MICU1: variants seen among roughly 807,000 people sequenced by gnomAD.
MICU1 encodes mitochondrial calcium uptake 1.
A neutral mutation model predicts 56.8 loss-of-function variants in MICU1; 45 were observed. The observed-to-expected ratio is 0.79, with a 90% confidence interval of 0.62 to 1.02. The LOEUF (loss-of-function observed/expected upper bound fraction) is 1.02. Ranked by LOEUF, MICU1 falls within the 50% of genes least tolerant of loss-of-function variation. The pLI is 0.00. For synonymous variants in MICU1, 186 were observed against 195.1 expected (o/e 0.95, Z 0.39); for missense variants, 504 against 587.1 (o/e 0.86, Z 1.46).
intron 6 of MICU1, among the ~76,000 whole-genome samples, chr10:72,489,636 A>G (rs544354705): frequency 6.6e-6 from 1 of 152,300 alleles, no homozygotes; most frequent in African/African-American, 2.4e-5. Context: ...TATAAAACTC[A>G]TTTTTATATT....
chr10:72,468,833 T>A (rs965361791), intron 8 of MICU1, among the ~76,000 whole-genome samples: 1 of 152,216 alleles, frequency 6.6e-6, no homozygotes, highest in Non-Finnish European at 1.5e-5. Flanking sequence ...TCCAGAAATT[T>A]GGTCTTTTTC....
At chr10:72,595,773 CT>C (rs1208046232) in intron 1 of MICU1, among the ~76,000 whole-genome samples, 1 of 152,090 alleles carries the variant, frequency 6.6e-6, no homozygotes, top group Non-Finnish European at 1.5e-5. Context: ...AAAGATTTAT[CT>C]TCTCACACGC....
chr10:72,608,204 G>A (rs12772550), intron 1 of MICU1, among the ~76,000 whole-genome samples: 4 of 152,100 alleles, frequency 2.6e-5, no homozygotes, highest in East Asian at 1.9e-4. Flanking sequence ...GAGTAGCTGC[G>A]ATTACAGGCA....
At chr10:72,510,399 A>C (rs967665286) in intron 5 of MICU1, among the ~76,000 whole-genome samples, 1 of 152,206 alleles carries the variant, frequency 6.6e-6, no homozygotes, top group Non-Finnish European at 1.5e-5. Context: ...CTTTGAAAGT[A>C]AATTGGAGAC....
At chr10:72,452,616 T>G (rs1383884285) in intron 8 of MICU1, among the ~76,000 whole-genome samples, 1 of 152,192 alleles carries the variant, frequency 6.6e-6, no homozygotes, top group African/African-American at 2.4e-5. Context: ...CTCTATGGTA[T>G]TCAGTACAGT....
chr10:72,421,016 AAATAAT>A (rs1554865352), intron 9 of MICU1, among the ~76,000 whole-genome samples: 63 of 124,110 alleles, frequency 5.1e-4, no homozygotes, highest in Middle Eastern at 7.9e-3. Context: ...AAAAAAAAAA[AAATAAT>A]AATAATAATA....
intron 10 of MICU1, among the ~76,000 whole-genome samples, chr10:72,406,857 C>G (rs111703395): frequency 6.6e-6 from 1 of 152,194 alleles, no homozygotes; most frequent in East Asian, 1.9e-4. Context: ...AAACTCCTGA[C>G]CTCAGGTGAT....
intron 8 of MICU1, among the ~76,000 whole-genome samples, chr10:72,463,341 G>A (rs926535248): frequency 9.2e-5 from 14 of 152,162 alleles, no homozygotes; most frequent in African/African-American, 3.1e-4. Flanking sequence ...GGGATTACAG[G>A]CATGAGCCAT....
At chr10:72,376,721 G>A (rs114720300) in intron 10 of MICU1, among the ~76,000 whole-genome samples, 2 of 152,058 alleles carry the variant, frequency 1.3e-5, no homozygotes, top group African/African-American at 4.8e-5. Flanking sequence ...GGAATGGGGA[G>A]TTACTGCTTT....
intron 7 of MICU1, chr10:72,475,973 TC>T (rs1866106785): frequency 4.5e-6 from 2 of 443,130 alleles, no homozygotes; most frequent in Non-Finnish European, 4.5e-6. Context: ...ATGCCTATAA[TC>T]CCAGCACTTT....
At chr10:72,549,065 T>A (rs1839965334) in intron 4 of MICU1, among the ~76,000 whole-genome samples, 1 of 152,190 alleles carries the variant, frequency 6.6e-6, no homozygotes, top group South Asian at 2.1e-4. Context: ...ATAGTTTTTA[T>A]TTGACCTAGA....
At chr10:72,420,353 G>A (rs1399320897) in intron 9 of MICU1, among the ~76,000 whole-genome samples, 1 of 152,152 alleles carries the variant, frequency 6.6e-6, no homozygotes, top group Non-Finnish European at 1.5e-5. Context: ...GAGCCACTGC[G>A]CCCAGCCATA....
intron 1 of MICU1, among the ~76,000 whole-genome samples, chr10:72,623,613 T>TGGATCACCTGAGGTC (rs1368434040): frequency 6.6e-6 from 1 of 151,840 alleles, no homozygotes; most frequent in African/African-American, 2.4e-5. Flanking sequence ...CCGAGGCAGG[T>TGGATCACCTGAGGTC]GGATCACCTG....
intron 9 of MICU1, among the ~76,000 whole-genome samples, chr10:72,412,089 T>C (rs1229306011): frequency 6.6e-6 from 1 of 152,228 alleles, no homozygotes; most frequent in Non-Finnish European, 1.5e-5. Context: ...ACTATTTAGA[T>C]AGGCCTCCTT....
chr10:72,510,935 T>C (rs998018623), intron 5 of MICU1, among the ~76,000 whole-genome samples: 4 of 152,216 alleles, frequency 2.6e-5, no homozygotes, highest in African/African-American at 7.2e-5. Context: ...ACCAGCCAAA[T>C]CCAGTCCATT....
intron 8 of MICU1, among the ~76,000 whole-genome samples, chr10:72,437,129 G>A (rs529882593): frequency 9.9e-5 from 15 of 152,248 alleles, no homozygotes; most frequent in African/African-American, 2.6e-4. Context: ...AGGAAAAAGC[G>A]TTAAGGGCAG....
rs551988936 is a variant in MICU1, at chr10:72,592,102, C to A, written c.-1-25308G>T. Among the ~76,000 whole-genome samples the A allele has an allele frequency of 4.7e-5, 7 of 149,938 alleles. No individual in the cohort carries two copies. In the South Asian group the frequency reaches 1.5e-3, roughly 31 times the overall value. ...CTGGCTCACTGCAACCTCCACCTCC[C>A]AGGTTCAAGCGATTCTCCTGCCTCA... On this transcript the variant is annotated intron_variant, in intron 1 of 11. Transcript: ENST00000361114.
At chr10:72,480,519 GAGA>G (rs748488173) in intron 6 of MICU1, among the ~76,000 whole-genome samples, 9 of 152,310 alleles carry the variant, frequency 5.9e-5, no homozygotes, top group Non-Finnish European at 1.2e-4. Flanking sequence ...GAGGAGTGAG[GAGA>G]AGGTCAAGAA....
At chr10:72,372,105 A>T (rs1862365027) in intron 11 of MICU1, among the ~76,000 whole-genome samples, 1 of 151,968 alleles carries the variant, frequency 6.6e-6, no homozygotes, top group Admixed American at 6.6e-5. Context: ...GTGGTGGCTC[A>T]TGCTTGTAAT....
Sources: allele counts gnomAD v4.1 joint callset (sites outside exome capture counted in the v4.1 genomes callset), GRCh38; gene constraint gnomAD v4.1.1; transcripts MANE v1.5; gene names NCBI Gene and HGNC (gene_info 2026-07-23, HGNC 2026-07-21).